Variants in KIAA1549L observed in about 807,000 individuals in gnomAD.
KIAA1549L encodes KIAA1549 like.
Under a neutral mutation model 160.7 loss-of-function variants are expected in KIAA1549L, and 88 were observed. That is an observed-to-expected ratio of 0.55 (90% confidence interval 0.46 to 0.65). The LOEUF (loss-of-function observed/expected upper bound fraction) is 0.65, where lower values mean the gene tolerates loss of function less well. Ranked by LOEUF, KIAA1549L falls within the 30% of genes least tolerant of loss-of-function variation. The probability of loss-of-function intolerance (pLI) is 0.00; values close to 1 mark genes in which losing one functional copy is unlikely to be tolerated. For synonymous variants in KIAA1549L, 950 were observed against 976.7 expected, an observed-to-expected ratio of 0.97 and a Z score of 0.51; for missense variants, 2,258 against 2,437.5, an observed-to-expected ratio of 0.93 and a Z score of 1.55.
intron 16 of KIAA1549L, among the ~76,000 whole-genome samples, chr11:33,639,358 G>A (rs1461657818): frequency 6.6e-6 from 1 of 152,124 alleles, no homozygotes; most frequent in African/African-American, 2.4e-5. Flanking sequence ...CGCAAGACCA[G>A]GGGCCCATGT....
At chr11:33,404,016 C>A (rs1285612792) in intron 1 of KIAA1549L, among the ~76,000 whole-genome samples, 1 of 152,170 alleles carries the variant, frequency 6.6e-6, no homozygotes, top group Non-Finnish European at 1.5e-5. Context: ...TCACCAGGTT[C>A]ATGCACCCAT....
chr11:33,470,139 G>A (rs1441940082), intron 1 of KIAA1549L, among the ~76,000 whole-genome samples: 1 of 151,966 alleles, frequency 6.6e-6, no homozygotes, highest in South Asian at 2.1e-4. Flanking sequence ...AAAGAGTTTT[G>A]TAGTTTTAGC....
chr11:33,393,964 C>G (rs192100374), intron 1 of KIAA1549L, among the ~76,000 whole-genome samples: 1 of 152,140 alleles, frequency 6.6e-6, no homozygotes, highest in African/African-American at 2.4e-5. Flanking sequence ...CTCTTTAAAC[C>G]TTTTTGACCA....
At chr11:33,652,641 C>T (rs1851931045) in intron 17 of KIAA1549L, among the ~76,000 whole-genome samples, 1 of 152,200 alleles carries the variant, frequency 6.6e-6, no homozygotes, top group African/African-American at 2.4e-5. Flanking sequence ...CTGTCTCCTC[C>T]GCTGAATAGC....
At chr11:33,666,198 G>A (rs564906102) in intron 20 of KIAA1549L, among the ~76,000 whole-genome samples, 1 of 152,028 alleles carries the variant, frequency 6.6e-6, no homozygotes, top group African/African-American at 2.4e-5. Context: ...CAGGAGGCCT[G>A]GGTCTGCAGT....
At chr11:33,647,697 G>C (rs997663570) in intron 17 of KIAA1549L, among the ~76,000 whole-genome samples, 2 of 152,086 alleles carry the variant, frequency 1.3e-5, no homozygotes, top group Admixed American at 1.3e-4. Flanking sequence ...CTGGGTTTCA[G>C]AGAGAAAGGC....
chr11:33,670,207 T>C lies in KIAA1549L; in HGVS notation c.*2053T>C, dbSNP rs535402024. On this transcript the variant is annotated 3_prime_UTR_variant, in exon 21 of 21. Coordinates refer to ENST00000658780, the MANE Select transcript of KIAA1549L (RefSeq NM_012194.3). ...ATAATATTTCATTAGTGCAATGATA[T>C]CAACCAGTACTTTGTCTACTTGGTA... is the stretch of plus-strand genomic sequence containing the variant. The C allele has an allele frequency of 1.3e-5, 2 of 152,374 alleles. No homozygotes were observed. Among genetic ancestry groups the C allele is most frequent in the South Asian group, 4.1e-4 (2 of 4,826 alleles). 9.4% of individuals were successfully genotyped at this position (152,374 alleles called of 1,614,324 possible). A position where few individuals can be genotyped will look rare whatever the true frequency, so the allele number is the denominator to read the frequency against.
At chr11:33,514,988 G>C (rs962309021) in intron 1 of KIAA1549L, among the ~76,000 whole-genome samples, 3 of 152,136 alleles carry the variant, frequency 2.0e-5, no homozygotes, top group African/African-American at 7.2e-5. Flanking sequence ...GAATTTGAGT[G>C]TTCTGAGAAT....
At chr11:33,560,118 T>C (rs775222228) in intron 7 of KIAA1549L, among the ~76,000 whole-genome samples, 7 of 152,230 alleles carry the variant, frequency 4.6e-5, no homozygotes, top group African/African-American at 1.2e-4. Flanking sequence ...GGACTAAGAA[T>C]TGATGAAAAG....
chr11:33,660,742 G>A (rs563971039), intron 19 of KIAA1549L, 121 bp from the exon 20 acceptor site: 281 of 916,494 alleles, frequency 3.1e-4, no homozygotes, highest in Non-Finnish European at 4.4e-4. Context: ...CTGATTTAAT[G>A]AGACTTCAAA....
intron 1 of KIAA1549L, among the ~76,000 whole-genome samples, chr11:33,497,608 A>G (rs1172347228): frequency 6.6e-6 from 1 of 152,190 alleles, no homozygotes. Context: ...GTATATCTGG[A>G]AGGATGGAGG....
intron 15 of KIAA1549L, among the ~76,000 whole-genome samples, chr11:33,614,566 ATATATATATATATATATATT>A (rs1850748515): frequency 7.2e-5 from 1 of 13,970 alleles, no homozygotes; most frequent in African/African-American, 7.2e-4. Context: ...ATATATATAT[ATATATATATATATATATATT>A]TTTTTTTTTT....
chr11:33,548,487 T>C (rs900437161), intron 4 of KIAA1549L, among the ~76,000 whole-genome samples: 6 of 152,234 alleles, frequency 3.9e-5, no homozygotes, highest in Admixed American at 1.3e-4. Context: ...GTATTTACAT[T>C]GTTCATGTAA....
In KIAA1549L at chr11:33,642,633, GGAATGAGTCAGGGTAGAGTAGGTAATCA is replaced by G. The variant is rs1163040125; in HGVS notation, c.5410-3038_5410-3011del. 6.9e-3 allele frequency among the ~76,000 whole-genome samples: 1,055 copies of G among 152,094 alleles called. 17 individuals are homozygous for G. Among genetic ancestry groups the G allele is most frequent in the African/African-American group, 0.025 (1,024 of 41,430 alleles). Reference sequence around the variant, plus strand: ...AATGGTTATGACAGAGCAGGTAATTGGAATGAGTCAGGGTAGAGTAGGTAATCAGAATGAGTCAGGGTGGAGCAGGTAA... The same window carrying G: ...AATGGTTATGACAGAGCAGGTAATTGGAATGAGTCAGGGTGGAGCAGGTAA... On this transcript the variant is annotated intron_variant, in intron 16 of 20. Transcript: ENST00000658780.
Position 33,588,143 on chromosome 11 carries a change from C to G in KIAA1549L, c.4567-3094C>G, listed in dbSNP as rs11032306. Among the ~76,000 whole-genome samples the G allele has an allele frequency of 2.0e-5, 3 of 152,042 alleles. No homozygotes were observed. In the East Asian group the frequency reaches 5.8e-4, roughly 29 times the overall value. On this transcript the variant is annotated intron_variant, in intron 11 of 20. Transcript: ENST00000658780. ...ACCTTCTTGAACTATAGTGAAGATG[C>G]AATGATATAAGTTGTATACTGTCTT... is the stretch of plus-strand genomic sequence containing the variant.
At chr11:33,646,094 A>G in intron 17 of KIAA1549L, 58 bp downstream of exon 17, 4 of 1,322,558 alleles carry the variant, frequency 3.0e-6, no homozygotes, top group Non-Finnish European at 4.2e-6. Context: ...AGTGAGTTCC[A>G]ACAGGAGACT....
chr11:33,530,421 AAAAAAAAAAAAAAAAATAT>A, intron 1 of KIAA1549L, among the ~76,000 whole-genome samples: 1 of 10,312 alleles, frequency 9.7e-5, no homozygotes, highest in African/African-American at 4.3e-4. Context: ...AAGGAAAAAA[AAAAAAAAAAAAAAAAATAT>A]ATATATATAT....
chr11:33,480,978 T>C (rs1408259898), intron 1 of KIAA1549L, among the ~76,000 whole-genome samples: 1 of 152,234 alleles, frequency 6.6e-6, no homozygotes, highest in Non-Finnish European at 1.5e-5. Flanking sequence ...TTTTTTCCCA[T>C]AGAACTGTGT....
intron 17 of KIAA1549L, among the ~76,000 whole-genome samples, chr11:33,650,235 C>T (rs1401398499): frequency 6.6e-6 from 1 of 152,138 alleles, no homozygotes; most frequent in East Asian, 1.9e-4. Context: ...CCCTGTAAGT[C>T]ACCTACCTCT....
Sources: gnomAD v4.1 joint callset for allele counts (sites outside exome capture counted in the v4.1 genomes callset) on GRCh38, gnomAD v4.1.1 for gene constraint, MANE v1.5 for transcripts, NCBI Gene and HGNC (gene_info 2026-07-23, HGNC 2026-07-21) for gene names.